The following PRKAR1B variants were observed in gnomAD, a reference collection of about 807,000 sequenced individuals.
PRKAR1B encodes the protein protein kinase cAMP-dependent type I regulatory subunit beta.
In PRKAR1B, 22 loss-of-function variants were observed where a neutral mutation model predicts 46.5. The observed-to-expected ratio is 0.47, with a 90% confidence interval of 0.34 to 0.68. The LOEUF (loss-of-function observed/expected upper bound fraction) is 0.68, where lower values mean the gene tolerates loss of function less well. Ranked by LOEUF, PRKAR1B falls within the 30% of genes least tolerant of loss-of-function variation. The pLI is 0.01. For synonymous variants in PRKAR1B, 259 were observed against 217.7 expected (o/e 1.19, Z -1.67); for missense variants, 445 against 535.6 (o/e 0.83, Z 1.67).
Position 586,886 on chromosome 7 carries a change from C to CTTTT in PRKAR1B, c.709-2322_709-2319dup, listed in dbSNP as rs67760235. On this transcript the variant is annotated intron_variant, in intron 7 of 10. Coordinates refer to ENST00000537384, the MANE Select transcript of PRKAR1B (RefSeq NM_001164760.2). The stretch of plus-strand genomic sequence containing the variant: ...GAAGGAGGGTCATTTATCCCACCTT[C>CTTTT]TTTTTTTTTTTTTTTTTGAGACAGT... Among the ~76,000 whole-genome samples, 113 of 129,308 alleles carry CTTTT rather than the reference C, an allele frequency of 8.7e-4. 1 individual carries two copies. Among genetic ancestry groups the CTTTT allele is most frequent in the African/African-American group, 3.0e-3 (104 of 34,116 alleles). The allele number at this position is 129,308 out of a possible 152,430, so 84.8% of individuals were successfully genotyped here.
intron 1 of PRKAR1B, among the ~76,000 whole-genome samples, chr7:715,726 T>C (rs184074038): frequency 6.6e-6 from 1 of 152,076 alleles, no homozygotes; most frequent in Non-Finnish European, 1.5e-5. Flanking sequence ...ATTTTATTTT[T>C]TTTTTTTGAG....
Position 685,366 on chromosome 7 carries a change from A to G in PRKAR1B, c.178-4640T>C, listed in dbSNP as rs1270791717. 8.0e-4 allele frequency among the ~76,000 whole-genome samples: 30 copies of G among 37,350 alleles called. 3 individuals are homozygous for G. The highest frequency in any genetic ancestry group is 4.2e-3 in the Admixed American group (11 of 2,612). 24.5% of individuals were successfully genotyped at this position (37,350 alleles called of 152,430 possible). A position where few individuals can be genotyped will look rare whatever the true frequency, so the allele number is the denominator to read the frequency against. On this transcript the variant is annotated intron_variant, in intron 2 of 10. Transcript: ENST00000537384. ...TATATATGTATACATATATATATAC[A>G]CATATATATATATACATACATATAT...
At chr7:571,160 C>T (rs1779487719) in intron 9 of PRKAR1B, among the ~76,000 whole-genome samples, 1 of 152,142 alleles carries the variant, frequency 6.6e-6, no homozygotes, top group Admixed American at 6.5e-5. Context: ...AAGTAAGCAG[C>T]ACCACGAGTA....
Position 556,862 on chromosome 7 carries a change from C to T in PRKAR1B, c.892-5392G>A, listed in dbSNP as rs945887634. Among the ~76,000 whole-genome samples, 9 of 152,314 alleles carry T rather than the reference C, an allele frequency of 5.9e-5. No homozygotes were observed. The South Asian group carries it at 1.4e-3, about 25-fold the overall frequency. On this transcript the variant is annotated intron_variant, in intron 9 of 10. Coordinates refer to ENST00000537384, the MANE Select transcript of PRKAR1B (RefSeq NM_001164760.2). The stretch of plus-strand genomic sequence containing the variant: ...GGGACGCTGCCTCTGTCCCTGGGGC[C>T]GGGAAAGTCTGCGTCATAAAAGACA...
chr7:649,515 C>T (rs78128615), intron 4 of PRKAR1B, among the ~76,000 whole-genome samples: 3,398 of 152,228 alleles, frequency 0.022, 51 homozygotes, highest in Middle Eastern at 0.044. Context: ...TTTCGAAATA[C>T]ATCATTTAGT....
chr7:691,441 G>GGGA, intron 2 of PRKAR1B: 1 of 1,265,980 alleles, frequency 7.9e-7, no homozygotes, highest in South Asian at 1.2e-5. Context: ...TTGATGGAGA[G>GGGA]GGAGTGCCTC....
At chr7:625,544 T>C (rs556807660) in intron 4 of PRKAR1B, among the ~76,000 whole-genome samples, 1 of 151,990 alleles carries the variant, frequency 6.6e-6, no homozygotes, top group South Asian at 2.1e-4. Context: ...ACAGGTCCCA[T>C]GGACAAGGGG....
At chr7:606,105 TG>T (rs763321241) in intron 6 of PRKAR1B, 87 bp downstream of exon 6, 12 of 1,307,334 alleles carry the variant, frequency 9.2e-6, no homozygotes, top group Admixed American at 1.7e-5. Flanking sequence ...CAGTGTTTGT[TG>T]GGGGCCTGGT....
intron 2 of PRKAR1B, among the ~76,000 whole-genome samples, chr7:700,780 AAAAT>A (rs1411634221): frequency 3.3e-5 from 5 of 152,194 alleles, no homozygotes; most frequent in Admixed American, 3.3e-4. Flanking sequence ...TTAGAACTGA[AAAAT>A]AAAGTAACAG....
At chr7:656,628 GATGA>G (rs1435609247) in intron 4 of PRKAR1B, among the ~76,000 whole-genome samples, 7 of 152,032 alleles carry the variant, frequency 4.6e-5, no homozygotes, top group Non-Finnish European at 8.8e-5. Context: ...TGAATGCGTA[GATGA>G]ATGAATGAAT....
intron 4 of PRKAR1B, among the ~76,000 whole-genome samples, chr7:624,973 T>G (rs951524334): frequency 1.3e-5 from 2 of 152,160 alleles, no homozygotes; most frequent in Non-Finnish European, 1.5e-5. Context: ...CTTCTCAAGC[T>G]CACATGAAAC....
rs769049939 is a variant in PRKAR1B at position 550,612 on chromosome 7, GAAGA to G, written c.974-14_974-11del. ...AGCAGTGCAATCTCCCCTGGGGGTTGAAGAGAGAGGTCAGGGCTGGGCCTGGGGG... is the reference window on the plus strand; with the variant it reads ...AGCAGTGCAATCTCCCCTGGGGGTTGGAGAGGTCAGGGCTGGGCCTGGGGG... On this transcript the variant is annotated splice_polypyrimidine_tract_variant and intron_variant, in intron 10 of 10. Transcript: ENST00000537384. 2 of 1,546,870 alleles carry G rather than the reference GAAGA, an allele frequency of 1.3e-6. No homozygotes were observed.
chr7:599,302 C>CT (rs766317605), intron 6 of PRKAR1B, among the ~76,000 whole-genome samples: 2,537 of 138,782 alleles, frequency 0.018, 53 homozygotes, highest in African/African-American at 0.054. Context: ...TGTTTTCTCT[C>CT]TTTTTTTTTT....
At chr7:693,746 C>T (rs867408994) in intron 2 of PRKAR1B, among the ~76,000 whole-genome samples, 6 of 152,146 alleles carry the variant, frequency 3.9e-5, no homozygotes, top group African/African-American at 9.7e-5. Context: ...GTTCTCAATT[C>T]TTCGGGCTGT....
Position 596,218 on chromosome 7 carries a change from AGCCCTGGGGGT to A in PRKAR1B, c.625_635del (p.Thr209CysfsTer65). 1.9e-6 allele frequency: 3 copies of A among 1,614,030 alleles called. No homozygotes were observed. The highest frequency in any genetic ancestry group is 2.5e-6 in the Non-Finnish European group (3 of 1,179,986). ...GGTCCGTCTTGGCTTTCACGGTCGC[AGCCCTGGGGGT>A]GCCGTAGATGAGCGCCAGCTCCCCG... is the stretch of plus-strand genomic sequence containing the variant. On this transcript the variant is annotated frameshift_variant, in exon 7 of 11. Coordinates refer to ENST00000537384, the MANE Select transcript of PRKAR1B (RefSeq NM_001164760.2). LOFTEE classifies it high-confidence loss of function.
At chr7:725,285 G>A (rs571042644) in intron 1 of PRKAR1B, among the ~76,000 whole-genome samples, 18 of 151,548 alleles carry the variant, frequency 1.2e-4, no homozygotes, top group African/African-American at 4.4e-4. Flanking sequence ...CAAAAAAGAA[G>A]GTCAAACTTG....
intron 4 of PRKAR1B, among the ~76,000 whole-genome samples, chr7:610,028 C>A (rs1379629220): frequency 6.6e-6 from 1 of 152,240 alleles, no homozygotes; most frequent in African/African-American, 2.4e-5. Context: ...CAGGCATGAG[C>A]CGCTGCACCC....
intron 6 of PRKAR1B, among the ~76,000 whole-genome samples, chr7:599,801 T>G (rs1781490681): frequency 7.6e-6 from 1 of 130,816 alleles, no homozygotes. Context: ...CCATTCACCT[T>G]CACTCGCTCA....
At chr7:682,535 G>A (rs1161548627) in intron 2 of PRKAR1B, among the ~76,000 whole-genome samples, 2 of 152,116 alleles carry the variant, frequency 1.3e-5, no homozygotes, top group African/African-American at 4.8e-5. Flanking sequence ...CACGAGGTCA[G>A]GAGATCGAGA....
Sources: allele counts gnomAD v4.1 joint callset (sites outside exome capture counted in the v4.1 genomes callset), GRCh38; gene constraint gnomAD v4.1.1; transcripts MANE v1.5; gene names NCBI Gene and HGNC (gene_info 2026-07-23, HGNC 2026-07-21).